Variants in METTL25 observed in about 807,000 individuals in gnomAD.
The protein encoded by METTL25 is probable methyltransferase-like protein 25.
In METTL25, 64 loss-of-function variants were observed where a neutral mutation model predicts 71.6. The ratio of observed to expected loss-of-function variants is 0.89; its 90% CI spans 0.73 to 1.10. The LOEUF is 1.10. Ranked by LOEUF, METTL25 falls within the 50% of genes least tolerant of loss-of-function variation. METTL25 has a pLI of 0.00. For synonymous variants in METTL25, 287 were observed against 250.3 expected, an observed-to-expected ratio of 1.15 and a Z score of -1.38; for missense variants, 807 against 707.0, an observed-to-expected ratio of 1.14 and a Z score of -1.60.
At chr12:82,386,003 A>G (rs148691811) in intron 1 of METTL25, among the ~76,000 whole-genome samples, 1 of 152,154 alleles carries the variant, frequency 6.6e-6, no homozygotes. Flanking sequence ...AGGGCACTAG[A>G]TATTTGCAAA....
At chr12:82,382,551 T>G (rs1362357498) in intron 1 of METTL25, among the ~76,000 whole-genome samples, 2 of 152,176 alleles carry the variant, frequency 1.3e-5, no homozygotes, top group African/African-American at 2.4e-5. Flanking sequence ...ATTGCTGTCA[T>G]TCATGCAATT....
intron 2 of METTL25, 53 bp downstream of exon 2, chr12:82,387,020 A>T: frequency 7.0e-7 from 1 of 1,434,096 alleles, no homozygotes; most frequent in South Asian, 1.3e-5. Flanking sequence ...TAGAAGCAAT[A>T]CTTTGTTCAT....
At position 82,436,818 on chromosome 12, in the gene METTL25, A is replaced by T. The variant is rs143245510; in HGVS notation, c.1405-1900A>T. On this transcript the variant is annotated intron_variant, in intron 7 of 11. Transcript: ENST00000248306. ...GATTTTAACTATTTTTAGGCGTTTCATATAAAATTAAACTTACCTATTATA... is the reference window on the plus strand; with the variant it reads ...GATTTTAACTATTTTTAGGCGTTTCTTATAAAATTAAACTTACCTATTATA... Among the ~76,000 whole-genome samples, 157 of 151,754 alleles carry T rather than the reference A, an allele frequency of 1.0e-3. 1 individual carries two copies. Among genetic ancestry groups the T allele is most frequent in the African/African-American group, 3.4e-3 (141 of 41,498 alleles).
intron 9 of METTL25, among the ~76,000 whole-genome samples, chr12:82,462,575 A>C (rs1891956713): frequency 6.6e-6 from 1 of 152,188 alleles, no homozygotes; most frequent in Non-Finnish European, 1.5e-5. Flanking sequence ...TAAGGTGTAT[A>C]TATACAGCTT....
chr12:82,366,129 G>T (rs752611450), intron 1 of METTL25, among the ~76,000 whole-genome samples: 1 of 152,046 alleles, frequency 6.6e-6, no homozygotes, highest in Admixed American at 6.6e-5. Flanking sequence ...GGCCTCATTT[G>T]TTCTCATTGT....
intron 5 of METTL25, among the ~76,000 whole-genome samples, chr12:82,427,506 A>G (rs998666386): frequency 6.6e-6 from 1 of 151,948 alleles, no homozygotes; most frequent in East Asian, 1.9e-4. Flanking sequence ...TTTCTAGTCC[A>G]AGTTTTCTTT....
At chr12:82,450,297 A>G (rs1891050346) in intron 8 of METTL25, among the ~76,000 whole-genome samples, 1 of 152,058 alleles carries the variant, frequency 6.6e-6, no homozygotes, top group Admixed American at 6.6e-5. Context: ...ATATTCTTCC[A>G]GGTACTCAGA....
intron 10 of METTL25, 48 bp downstream of exon 10, chr12:82,476,766 G>C (rs1892905661): frequency 2.5e-6 from 3 of 1,203,834 alleles, no homozygotes; most frequent in Admixed American, 2.3e-5. Context: ...TGCTAGACTT[G>C]AATAGGGTCC....
At chr12:82,405,079 C>T (rs1172020698) in intron 5 of METTL25, among the ~76,000 whole-genome samples, 1 of 152,168 alleles carries the variant, frequency 6.6e-6, no homozygotes, top group Non-Finnish European at 1.5e-5. Context: ...AGGGGCCTCC[C>T]TCTCCTCTTC....
At chr12:82,396,005 C>A (rs1359266988) in intron 3 of METTL25, among the ~76,000 whole-genome samples, 1 of 151,970 alleles carries the variant, frequency 6.6e-6, no homozygotes, top group Admixed American at 6.6e-5. Context: ...AACAACAGAC[C>A]ACATATAAGA....
At chr12:82,464,741 T>G (rs376100280) in intron 9 of METTL25, among the ~76,000 whole-genome samples, 1 of 152,116 alleles carries the variant, frequency 6.6e-6, no homozygotes, top group African/African-American at 2.4e-5. Flanking sequence ...TTTGGATCCA[T>G]GAGCATGGGA....
chr12:82,366,892 T>C (rs1002502844), intron 1 of METTL25, among the ~76,000 whole-genome samples: 24 of 152,184 alleles, frequency 1.6e-4, no homozygotes, highest in Non-Finnish European at 1.5e-5. Flanking sequence ...TATTACATTA[T>C]AACAAGATAG....
At chr12:82,373,220 G>C (rs1883458847) in intron 1 of METTL25, among the ~76,000 whole-genome samples, 1 of 152,164 alleles carries the variant, frequency 6.6e-6, no homozygotes, top group African/African-American at 2.4e-5. Flanking sequence ...CCCTGAGGGA[G>C]GGAAGGGATC....
rs1233843760 is a variant in METTL25 at position 82,368,224 on chromosome 12, G to A, written c.259+9400G>A. On this transcript the variant is annotated intron_variant, in intron 1 of 11. Coordinates refer to ENST00000248306, the MANE Select transcript of METTL25 (RefSeq NM_032230.3). ...ATTTTCTCATCCAAGAAGTAACTGC[G>A]TAAGTTGTTCACCTATGGCAGAGGT... is the stretch of plus-strand genomic sequence containing the variant. Among the ~76,000 whole-genome samples the A allele has an allele frequency of 4.6e-5, 7 of 152,112 alleles. No individual in the cohort carries two copies. In the South Asian group the frequency reaches 8.3e-4, roughly 18 times the overall value.
intron 1 of METTL25, among the ~76,000 whole-genome samples, chr12:82,370,172 C>G (rs1013217774): frequency 6.6e-6 from 1 of 152,142 alleles, no homozygotes; most frequent in Non-Finnish European, 1.5e-5. Flanking sequence ...TAGGGGAACT[C>G]TTTAGGCCAG....
intron 8 of METTL25, chr12:82,439,198 A>G (rs981254770): frequency 6.6e-6 from 1 of 152,142 alleles, no homozygotes; most frequent in Non-Finnish European, 1.5e-5. Flanking sequence ...TCTAATTAGA[A>G]CAGATATTGA....
At chr12:82,370,461 T>G (rs1747940385) in intron 1 of METTL25, among the ~76,000 whole-genome samples, 1 of 152,190 alleles carries the variant, frequency 6.6e-6, no homozygotes, top group South Asian at 2.1e-4. Context: ...CTGTAAATGC[T>G]GGGTGGCACC....
intron 7 of METTL25, among the ~76,000 whole-genome samples, chr12:82,436,108 A>T (rs559263994): frequency 6.6e-6 from 1 of 151,488 alleles, no homozygotes; most frequent in East Asian, 1.9e-4. Context: ...TAATGCATTC[A>T]TGTGGTGTTT....
chr12:82,443,485 AAAAG>A (rs1890512170), intron 8 of METTL25, among the ~76,000 whole-genome samples: 2 of 152,134 alleles, frequency 1.3e-5, no homozygotes, highest in African/African-American at 2.4e-5. Flanking sequence ...AAAAAGAAAA[AAAAG>A]AATGCAGTAT....
Sources: gnomAD v4.1 joint callset for allele counts (sites outside exome capture counted in the v4.1 genomes callset) on GRCh38, gnomAD v4.1.1 for gene constraint, MANE v1.5 for transcripts, NCBI Gene and HGNC (gene_info 2026-07-23, HGNC 2026-07-21) for gene names.